Variants in ABHD6 observed in about 807,000 individuals in gnomAD.
The protein encoded by ABHD6 is abhydrolase domain containing 6, acylglycerol lipase, also known as monoacylglycerol lipase ABHD6.
ABHD6 carries 33 observed loss-of-function variants against 38.8 expected under a neutral mutation model. That is an observed-to-expected ratio of 0.85 (90% CI 0.64 to 1.14). ABHD6 has a LOEUF of 1.14. ABHD6 is among the 50% of genes most tolerant of loss of function. The pLI is 0.00. For missense variants in ABHD6, 380 were observed against 422.6 expected, an observed-to-expected ratio of 0.90 and a Z score of 0.88; for synonymous variants, 147 against 161.6, an observed-to-expected ratio of 0.91 and a Z score of 0.69.
At chr3:58,291,399 G>T (rs1007110011) in intron 9 of ABHD6, among the ~76,000 whole-genome samples, 2 of 146,754 alleles carry the variant, frequency 1.4e-5, no homozygotes, top group East Asian at 2.0e-4. Flanking sequence ...CGTGGGGAGA[G>T]GGAGAGGGAG....
intron 5 of ABHD6, 151 bp from the exon 6 acceptor site, chr3:58,270,781 A>G (rs2097444283): frequency 3.9e-6 from 3 of 761,486 alleles, no homozygotes; most frequent in Non-Finnish European, 5.8e-6. Flanking sequence ...CACAGGGCTC[A>G]TCTTATAATG....
At chr3:58,244,778 G>A (rs2097425144) in intron 1 of ABHD6, among the ~76,000 whole-genome samples, 1 of 151,784 alleles carries the variant, frequency 6.6e-6, no homozygotes, top group African/African-American at 2.4e-5. Flanking sequence ...GCAAAAAAAA[G>A]CACAGAAATG....
chr3:58,252,158 A>T (rs7624429), intron 2 of ABHD6, among the ~76,000 whole-genome samples: 111,221 of 151,066 alleles, frequency 0.74, 42,105 homozygotes, highest in East Asian at 1. Context: ...CAGCCATTCA[A>T]GGATGACCAT....
chr3:58,246,667 G>C (rs2097426602), intron 1 of ABHD6, among the ~76,000 whole-genome samples: 1 of 152,244 alleles, frequency 6.6e-6, no homozygotes, highest in South Asian at 2.1e-4. Context: ...AAGCAGGAGA[G>C]AGTGAACCAT....
intron 7 of ABHD6, among the ~76,000 whole-genome samples, chr3:58,277,737 G>T (rs943713156): frequency 6.6e-6 from 1 of 152,124 alleles, no homozygotes; most frequent in Admixed American, 6.6e-5. Flanking sequence ...TATGATATTG[G>T]CTGTGGGTTT....
intron 9 of ABHD6, among the ~76,000 whole-genome samples, chr3:58,288,351 G>A (rs912073163): frequency 2.6e-5 from 4 of 152,176 alleles, no homozygotes; most frequent in African/African-American, 9.7e-5. Flanking sequence ...TGTGAATGAT[G>A]GATTTGGTCT....
In ABHD6 at chr3:58,251,619, A is replaced by G. The variant is rs551013364; in HGVS notation, c.-26+1677A>G. Among the ~76,000 whole-genome samples the G allele has an allele frequency of 1.3e-5, 2 of 152,284 alleles. No homozygotes were observed. Among genetic ancestry groups the G allele is most frequent in the South Asian group, 2.1e-4 (1 of 4,824 alleles). On this transcript the variant is annotated intron_variant, in intron 2 of 9. Transcript: ENST00000478253. This position sits in a 1 kb window ranked among gnomAD's most constrained non-coding sequence, Gnocchi z 5.4. ...TTAATCTTTGCCACTGTATTCAGAC[A>G]TAAGGGCCCCCAAATGCACAGCTTG...
rs779849272 is a variant in ABHD6, at chr3:58,266,336, A to T, written c.120-853A>T. ...TGGTGGTGTGCACCTGTAACCCTAG[A>T]TACAGGCTGAGGCACAAGAATTGCT... On this transcript the variant is annotated intron_variant, in intron 3 of 9. Coordinates refer to ENST00000478253, the MANE Select transcript of ABHD6 (RefSeq NM_001320126.2). The surrounding 1 kb of genome is among the most constrained non-coding windows in gnomAD (Gnocchi z 4.0). 7.2e-5 allele frequency among the ~76,000 whole-genome samples: 11 copies of T among 151,880 alleles called. No individual in the cohort carries two copies. Among genetic ancestry groups the T allele is most frequent in the Non-Finnish European group, 1.5e-4 (10 of 67,980 alleles).
chr3:58,274,526 A>C, intron 6 of ABHD6, 132 bp from the exon 7 acceptor site: 1 of 986,240 alleles, frequency 1.0e-6, no homozygotes, highest in Non-Finnish European at 1.5e-6. Flanking sequence ...CAGTACCAAC[A>C]AAAAAGAAAT....
chr3:58,283,987 C>T (rs548948171), intron 7 of ABHD6, among the ~76,000 whole-genome samples: 2 of 152,324 alleles, frequency 1.3e-5, no homozygotes, highest in African/African-American at 2.4e-5. Context: ...ATGGCTGGTT[C>T]TTCCCCACTT....
At chr3:58,274,563 A>G in intron 6 of ABHD6, 95 bp from the exon 7 acceptor site, 3 of 1,320,942 alleles carry the variant, frequency 2.3e-6, no homozygotes, top group Non-Finnish European at 3.1e-6. Flanking sequence ...CCTGAAATAT[A>G]TTAACTCTGG....
intron 2 of ABHD6, among the ~76,000 whole-genome samples, chr3:58,250,996 G>A (rs1417098665): frequency 6.6e-6 from 1 of 152,170 alleles, no homozygotes; most frequent in African/African-American, 2.4e-5. Flanking sequence ...GCATCTAGGA[G>A]GTTAGACTGA....
rs2097420950 is a variant in ABHD6 at position 58,238,903 on chromosome 3, A to G, written c.-91+987A>G. On this transcript the variant is annotated intron_variant, in intron 1 of 9. Transcript: ENST00000478253. The surrounding 1 kb of genome is among the most constrained non-coding windows in gnomAD (Gnocchi z 6.9). The stretch of plus-strand genomic sequence containing the variant: ...TGGCTAAGAGTTTAAAGTAGTTTAT[A>G]ATGAATAATAGCTGACATAGAATAA... Among the ~76,000 whole-genome samples the G allele has an allele frequency of 1.3e-5, 2 of 152,138 alleles. No individual in the cohort carries two copies. Among genetic ancestry groups the G allele is most frequent in the African/African-American group, 2.4e-5 (1 of 41,426 alleles).
chr3:58,286,866 A>ATG (rs1559784506), intron 9 of ABHD6, among the ~76,000 whole-genome samples: 33 of 128,016 alleles, frequency 2.6e-4, no homozygotes, highest in East Asian at 5.2e-4. Context: ...ATATATATAT[A>ATG]TATGTATATG....
chr3:58,250,381 G>T (rs1288162795), intron 2 of ABHD6, among the ~76,000 whole-genome samples: 1 of 152,128 alleles, frequency 6.6e-6, no homozygotes, highest in African/African-American at 2.4e-5. Flanking sequence ...TGGAGTGCAG[G>T]CAAAGACGTG....
At chr3:58,281,455 T>A (rs1307093497) in intron 7 of ABHD6, among the ~76,000 whole-genome samples, 1 of 152,264 alleles carries the variant, frequency 6.6e-6, no homozygotes, top group East Asian at 1.9e-4. Flanking sequence ...TTGGGAAAAG[T>A]GCAGTATTTG....
chr3:58,250,212 T>A (rs1056866269), intron 2 of ABHD6, among the ~76,000 whole-genome samples: 10 of 152,048 alleles, frequency 6.6e-5, no homozygotes, highest in Middle Eastern at 3.4e-3. Context: ...AAGGCATGGG[T>A]TCATGGGCCC....
chr3:58,263,471 C>G lies in ABHD6; in HGVS notation c.120-3718C>G, dbSNP rs978237026. ...AGGTAAACTTGTCCAGTGGATGTAC[C>G]AATTAAATGAAAAATATCGAGTAGT... On this transcript the variant is annotated intron_variant, in intron 3 of 9. Transcript: ENST00000478253. This position sits in a 1 kb window ranked among gnomAD's most constrained non-coding sequence, Gnocchi z 4.9. Among the ~76,000 whole-genome samples the G allele has an allele frequency of 2.6e-5, 4 of 152,054 alleles. No individual in the cohort carries two copies. Among genetic ancestry groups the G allele is most frequent in the Non-Finnish European group, 4.4e-5 (3 of 68,002 alleles).
chr3:58,279,426 T>TC (rs2097451255), intron 7 of ABHD6, among the ~76,000 whole-genome samples: 1 of 49,862 alleles, frequency 2.0e-5, no homozygotes, highest in African/African-American at 2.2e-4. Context: ...GCAACCCTGC[T>TC]TTTTTTTTGC....
Sources: allele counts gnomAD v4.1 joint callset (sites outside exome capture counted in the v4.1 genomes callset), GRCh38; gene constraint gnomAD v4.1.1; non-coding constraint Gnocchi (gnomAD v3.1); transcripts MANE v1.5; gene names NCBI Gene and HGNC (gene_info 2026-07-23, HGNC 2026-07-21).